Variants in SH3RF3 observed in about 807,000 individuals in gnomAD.
SH3RF3 encodes SH3 domain containing ring finger 3, also known as E3 ubiquitin-protein ligase SH3RF3.
A neutral mutation model predicts 66.3 loss-of-function variants in SH3RF3; 29 were observed. The ratio of observed to expected loss-of-function variants is 0.44; its 90% confidence interval spans 0.33 to 0.60. The LOEUF (loss-of-function observed/expected upper bound fraction) is 0.60. Among genes scored for constraint, SH3RF3 ranks in the 20% least tolerant of loss-of-function variants. The pLI, the probability that SH3RF3 is intolerant of heterozygous loss-of-function variation, is 0.04. For synonymous variants in SH3RF3, 583 were observed against 532.0 expected (o/e 1.10, Z -1.32); for missense variants, 1,194 against 1,190.9 (o/e 1.00, Z -0.04).
intron 5 of SH3RF3, among the ~76,000 whole-genome samples, chr2:109,429,689 C>T (rs938748033): frequency 6.6e-6 from 1 of 152,158 alleles, no homozygotes; most frequent in African/African-American, 2.4e-5. Flanking sequence ...CAGCCCTGGC[C>T]CTACCCCTGA....
chr2:109,204,838 T>G (rs1200439403), intron 1 of SH3RF3, among the ~76,000 whole-genome samples: 1 of 152,256 alleles, frequency 6.6e-6, no homozygotes, highest in Non-Finnish European at 1.5e-5. Flanking sequence ...CTGTATTTTC[T>G]GTAGCGTGGA....
At chr2:109,147,171 C>T (rs367861876) in intron 1 of SH3RF3, among the ~76,000 whole-genome samples, 2 of 152,104 alleles carry the variant, frequency 1.3e-5, no homozygotes, top group East Asian at 1.9e-4. Context: ...CTGGCACTTC[C>T]TCAAGGTGCC....
At chr2:109,304,421 CCTT>C (rs756532404) in intron 1 of SH3RF3, among the ~76,000 whole-genome samples, 20 of 152,110 alleles carry the variant, frequency 1.3e-4, no homozygotes, top group Admixed American at 4.6e-4. Flanking sequence ...GACAAGACTT[CCTT>C]CTTTTTTAAG....
chr2:109,190,185 T>G (rs1359666539), intron 1 of SH3RF3, among the ~76,000 whole-genome samples: 1 of 152,244 alleles, frequency 6.6e-6, no homozygotes, highest in Non-Finnish European at 1.5e-5. Flanking sequence ...CTATTTTTTT[T>G]TTTTTGAGAC....
At chr2:109,270,671 C>T (rs1388248383) in intron 1 of SH3RF3, among the ~76,000 whole-genome samples, 1 of 152,160 alleles carries the variant, frequency 6.6e-6, no homozygotes, top group Non-Finnish European at 1.5e-5. Context: ...GTGTCTTGGC[C>T]CCGTATCTGG....
intron 8 of SH3RF3, among the ~76,000 whole-genome samples, chr2:109,458,601 A>AGAGAGAGAGAGAGAGAGAG (rs1553524376): frequency 4.1e-4 from 61 of 148,888 alleles, no homozygotes; most frequent in East Asian, 1.2e-3. Context: ...AGAGAGAGAG[A>AGAGAGAGAGAGAGAGAGAG]ATTTATTTAT....
chr2:109,203,292 G>A (rs1678728300), intron 1 of SH3RF3, among the ~76,000 whole-genome samples: 1 of 152,240 alleles, frequency 6.6e-6, no homozygotes, highest in Non-Finnish European at 1.5e-5. Context: ...GAGGCTACAG[G>A]TGGCTCTCTC....
chr2:109,189,419 A>G (rs1678285581), intron 1 of SH3RF3, among the ~76,000 whole-genome samples: 1 of 147,374 alleles, frequency 6.8e-6, no homozygotes, highest in African/African-American at 2.5e-5. Context: ...CCCAGGCTGG[A>G]GTGCAATAGC....
intron 1 of SH3RF3, among the ~76,000 whole-genome samples, chr2:109,316,807 C>T (rs1681895617): frequency 6.6e-6 from 1 of 152,196 alleles, no homozygotes; most frequent in Admixed American, 6.5e-5. Context: ...ATCTGGTTAT[C>T]CCTCCCTGGC....
chr2:109,150,007 G>T (rs977881503), intron 1 of SH3RF3, among the ~76,000 whole-genome samples: 1 of 152,214 alleles, frequency 6.6e-6, no homozygotes, highest in African/African-American at 2.4e-5. Context: ...ACTGATGTCT[G>T]TCTCAGCCCA....
intron 1 of SH3RF3, among the ~76,000 whole-genome samples, chr2:109,268,396 A>G (rs1278824914): frequency 6.6e-6 from 1 of 152,020 alleles, no homozygotes; most frequent in Admixed American, 6.5e-5. Flanking sequence ...CAACTGCAGC[A>G]GGGCTGAGAG....
At chr2:109,238,410 T>G (rs1679698137) in intron 1 of SH3RF3, among the ~76,000 whole-genome samples, 1 of 151,758 alleles carries the variant, frequency 6.6e-6, no homozygotes, top group Non-Finnish European at 1.5e-5. Context: ...AATTTTCTCT[T>G]TTTCTTTAAT....
chr2:109,283,133 A>C (rs1680935731), intron 1 of SH3RF3, among the ~76,000 whole-genome samples: 1 of 152,192 alleles, frequency 6.6e-6, no homozygotes, highest in South Asian at 2.1e-4. Context: ...AAAGGTAATA[A>C]AAATGCCCAG....
At chr2:109,490,090 G>T (rs1207753748) in intron 8 of SH3RF3, among the ~76,000 whole-genome samples, 1 of 152,152 alleles carries the variant, frequency 6.6e-6, no homozygotes, top group Non-Finnish European at 1.5e-5. Flanking sequence ...CACTTTACAA[G>T]GTTATCTTTA....
In SH3RF3 at chr2:109,478,726, A is replaced by G. The variant is rs550966509; in HGVS notation, c.2149-11879A>G. On this transcript the variant is annotated intron_variant, in intron 8 of 9. Coordinates refer to ENST00000309415, the MANE Select transcript of SH3RF3 (RefSeq NM_001099289.3). ...GGGGGAGAGTCTGAGCTCGTAGGTA[A>G]GATCTTCTTGCTCAGAGGCCATGCG... 5.3e-5 allele frequency among the ~76,000 whole-genome samples: 8 copies of G among 152,284 alleles called. No homozygotes were observed. The South Asian group carries it at 1.7e-3, about 32-fold the overall frequency.
chr2:109,255,306 C>A (rs757258649), intron 1 of SH3RF3, among the ~76,000 whole-genome samples: 1 of 152,136 alleles, frequency 6.6e-6, no homozygotes, highest in Non-Finnish European at 1.5e-5. Flanking sequence ...GACCCCATAC[C>A]ACCCACCGGT....
chr2:109,387,866 G>C (rs1364453315), intron 3 of SH3RF3, among the ~76,000 whole-genome samples: 7 of 152,036 alleles, frequency 4.6e-5, no homozygotes, highest in Non-Finnish European at 7.4e-5. Flanking sequence ...GTTGGGGGGG[G>C]GGTCTCCTCC....
intron 1 of SH3RF3, among the ~76,000 whole-genome samples, chr2:109,231,811 A>G (rs1679521036): frequency 6.6e-6 from 1 of 152,140 alleles, no homozygotes; most frequent in South Asian, 2.1e-4. Flanking sequence ...ATTTTTAGTA[A>G]TGTAGAATTT....
intron 1 of SH3RF3, among the ~76,000 whole-genome samples, chr2:109,141,941 A>C: frequency 6.6e-6 from 1 of 150,780 alleles, no homozygotes; most frequent in East Asian, 1.9e-4. Context: ...CCCTTTCTAC[A>C]CTCACGGAAG....
Sources: gnomAD v4.1 joint callset for allele counts (sites outside exome capture counted in the v4.1 genomes callset) on GRCh38, gnomAD v4.1.1 for gene constraint, MANE v1.5 for transcripts, NCBI Gene and HGNC (gene_info 2026-07-23, HGNC 2026-07-21) for gene names.